Variants in DNAJA1 observed in about 807,000 individuals in gnomAD.
DNAJA1 encodes the protein DnaJ heat shock protein family (Hsp40) member A1.
In DNAJA1, 26 loss-of-function variants were observed where a neutral mutation model predicts 47.6. The ratio of observed to expected loss-of-function variants is 0.55; its 90% CI spans 0.40 to 0.76. DNAJA1 has a LOEUF of 0.76. DNAJA1 is among the 30% of genes least tolerant of loss of function. DNAJA1 has a pLI of 0.00. For synonymous variants in DNAJA1, 165 were observed against 158.4 expected, an observed-to-expected ratio of 1.04 and a Z score of -0.31; for missense variants, 315 against 485.0, an observed-to-expected ratio of 0.65 and a Z score of 3.29.
chr9:33,035,557 A>G (rs1839020936), intron 6 of DNAJA1, among the ~76,000 whole-genome samples: 1 of 151,884 alleles, frequency 6.6e-6, no homozygotes, highest in African/African-American at 2.4e-5. Flanking sequence ...GCAACCTCCA[A>G]CTCCCAGGTT....
intron 3 of DNAJA1, among the ~76,000 whole-genome samples, chr9:33,028,922 G>A (rs1320882343): frequency 1.3e-5 from 2 of 152,208 alleles, no homozygotes; most frequent in East Asian, 3.8e-4. Flanking sequence ...GTACAGAAAC[G>A]AGTTTGAGAA....
At chr9:33,038,556 T>TAA in intron 8 of DNAJA1, 129 bp from the exon 9 acceptor site, 1 of 800,814 alleles carries the variant, frequency 1.2e-6, no homozygotes, top group Non-Finnish European at 2.0e-6. Context: ...GAGCCTGTTC[T>TAA]AACCTGAGAT....
chr9:33,038,741 ACTC>A lies in DNAJA1; in HGVS notation c.1035_1037del (p.Leu346del). ...CTGATAAACTGTCTTTGCTGGAAAA[ACTC>A]CTACCCGAGAGGAAGGAAGTGGAAG... On this transcript the variant is annotated inframe_deletion, in exon 9 of 9. Transcript: ENST00000330899. The A allele has an allele frequency of 1.9e-6, 3 of 1,613,660 alleles. No individual in the cohort carries two copies. Among genetic ancestry groups the A allele is most frequent in the Non-Finnish European group, 2.5e-6 (3 of 1,179,926 alleles).
rs1839039784 is a variant in DNAJA1, at chr9:33,036,663, G to A, written c.848G>A (p.Arg283Gln). The A allele has an allele frequency of 2.5e-6, 4 of 1,613,626 alleles. No homozygotes were observed. The highest frequency in any genetic ancestry group is 2.5e-6 in the Non-Finnish European group (3 of 1,179,746). Reference sequence around the variant, plus strand: ...AAGCCAATATCTACTCTTGACAACCGAACCATCGTCATCACCTCTCATCCA... The same window carrying A: ...AAGCCAATATCTACTCTTGACAACCAAACCATCGTCATCACCTCTCATCCA... ...FQKPISTLDN[R>Q]TIVITSHPGQ... The change falls in exon 7 of 9, where the codon CGA (arginine) becomes CAA (glutamine). Residue 283 changes from arginine to glutamine, a missense_variant. Physicochemically the swap from Arg to Gln is conservative, Grantham distance 43. Coordinates refer to ENST00000330899, the MANE Select transcript of DNAJA1 (RefSeq NM_001539.4).
chr9:33,037,128 GTACTT>G lies in DNAJA1; in HGVS notation c.975+16_975+20del. The G allele has an allele frequency of 6.2e-7, 1 of 1,605,998 alleles. No homozygotes were observed. Among genetic ancestry groups the G allele is most frequent in the Non-Finnish European group, 8.5e-7 (1 of 1,175,544 alleles). On this transcript the variant is annotated intron_variant, in intron 8 of 8. Transcript: ENST00000330899. Reference sequence around the variant, plus strand: ...CATCGAATTTAAGGTAAGCTGTAATGTACTTTAAGAATACTTGAGAACAATTGGCT... The same window carrying G: ...CATCGAATTTAAGGTAAGCTGTAATGTAAGAATACTTGAGAACAATTGGCT...
chr9:33,035,631 A>G (rs969151502), intron 6 of DNAJA1, among the ~76,000 whole-genome samples: 1 of 151,178 alleles, frequency 6.6e-6, no homozygotes, highest in African/African-American at 2.4e-5. Flanking sequence ...CACCACGCCC[A>G]GCTGATTTTT....
chr9:33,038,771 G>C lies in DNAJA1; in HGVS notation c.1062G>C (p.Glu354Asp). The C allele has an allele frequency of 6.2e-7, 1 of 1,614,144 alleles. No individual in the cohort carries two copies. The highest frequency in any genetic ancestry group is 1.3e-5 in the African/African-American group (1 of 75,054). The part of the protein sequence containing the change: ...KLLPERKEVE[E>D]TDEMDQVELV... Reference sequence around the variant, plus strand: ...TACCCGAGAGGAAGGAAGTGGAAGAGACTGATGAGATGGACCAAGTAGAAC... The same window carrying C: ...TACCCGAGAGGAAGGAAGTGGAAGACACTGATGAGATGGACCAAGTAGAAC... The change falls in exon 9 of 9, where the codon GAG (glutamate) becomes GAC (aspartate). Residue 354 changes from glutamate to aspartate, a missense_variant. Physicochemically the swap from Glu to Asp is conservative, Grantham distance 45. This residue lies in a region of DNAJA1 where 162 missense variants were observed against 185.4 expected (regional missense o/e 0.87). Coordinates refer to ENST00000330899, the MANE Select transcript of DNAJA1 (RefSeq NM_001539.4).
intron 1 of DNAJA1, 58 bp from the exon 2 acceptor site, chr9:33,026,417 C>T (rs1838852215): frequency 6.4e-7 from 1 of 1,565,230 alleles, no homozygotes; most frequent in Non-Finnish European, 8.6e-7. Flanking sequence ...CCTTAGCTCT[C>T]TTTTTTATTA....
At chr9:33,030,812 T>C in intron 5 of DNAJA1, 145 bp downstream of exon 5, 1 of 742,286 alleles carries the variant, frequency 1.3e-6, no homozygotes, top group South Asian at 2.0e-5. Context: ...TAGTAAATAA[T>C]GTTCTTTTAT....
chr9:33,029,874 TTTTG>T lies in DNAJA1; in HGVS notation c.311-7_311-4del. 6.3e-7 allele frequency: 1 copy of T among 1,593,960 alleles called. No homozygotes were observed. Among genetic ancestry groups the T allele is most frequent in the Non-Finnish European group, 8.5e-7 (1 of 1,170,528 alleles). ...TTAAACAGATTTGCAATGAGAAATA[TTTTG>T]TTTTAGGTAAAAATGTTGTACATCA... On this transcript the variant is annotated splice_region_variant and splice_polypyrimidine_tract_variant and intron_variant, in intron 3 of 8. Coordinates refer to ENST00000330899, the MANE Select transcript of DNAJA1 (RefSeq NM_001539.4).
intron 5 of DNAJA1, among the ~76,000 whole-genome samples, chr9:33,032,485 A>G (rs917922408): frequency 3.9e-5 from 6 of 152,230 alleles, no homozygotes; most frequent in African/African-American, 1.4e-4. Context: ...ATGTCACTGT[A>G]ACACAGCTGA....
In DNAJA1 at chr9:33,036,729, C is replaced by A. The variant is rs749925739; in HGVS notation, c.874+40C>A. 10 of 1,447,726 alleles carry A rather than the reference C, an allele frequency of 6.9e-6. No individual in the cohort carries two copies. The South Asian group carries it at 7.1e-5, about 10-fold the overall frequency. 89.7% of individuals were successfully genotyped at this position (1,447,726 alleles called of 1,614,324 possible). A position where few individuals can be genotyped will look rare whatever the true frequency, so the allele number is the denominator to read the frequency against. ...CAAGCTTAAACTTCTCTTTTCTATT[C>A]TAGTATTTTCCTTGTCTCCTGTTAA... On this transcript the variant is annotated intron_variant, in intron 7 of 8. Transcript: ENST00000330899.
At chr9:33,032,369 C>G (rs1016214883) in intron 5 of DNAJA1, among the ~76,000 whole-genome samples, 2 of 152,186 alleles carry the variant, frequency 1.3e-5, no homozygotes, top group Non-Finnish European at 2.9e-5. Context: ...GTTCTTGATA[C>G]CAATAGCATA....
In DNAJA1 at chr9:33,031,092, A is replaced by T. The variant is rs544516902; in HGVS notation, c.643+425A>T. Reference sequence around the variant, plus strand: ...AGTTAGGTGAAGAATTGGGTCTCATAAAAATTCATGGTTTTTTTGGAGACG... The same window carrying T: ...AGTTAGGTGAAGAATTGGGTCTCATTAAAATTCATGGTTTTTTTGGAGACG... On this transcript the variant is annotated intron_variant, in intron 5 of 8. Coordinates refer to ENST00000330899, the MANE Select transcript of DNAJA1 (RefSeq NM_001539.4). 3.9e-5 allele frequency among the ~76,000 whole-genome samples: 6 copies of T among 152,308 alleles called. 1 individual carries two copies. In the East Asian group the frequency reaches 9.6e-4, roughly 24 times the overall value.
intron 6 of DNAJA1, 103 bp from the exon 7 acceptor site, chr9:33,036,471 T>C: frequency 1.5e-6 from 1 of 651,864 alleles, no homozygotes; most frequent in Non-Finnish European, 2.6e-6. Flanking sequence ...AGGGTGTCTT[T>C]GTAAAAGACC....
Position 33,037,085 on chromosome 9 carries a change from T to C in DNAJA1, c.945T>C (p.Tyr315=), listed in dbSNP as rs1839046916. 1.9e-6 allele frequency: 3 copies of C among 1,613,950 alleles called. No homozygotes were observed. Among genetic ancestry groups the C allele is most frequent in the African/African-American group, 2.7e-5 (2 of 74,914 alleles). Residue 315 remains tyrosine (Y), a synonymous_variant, in exon 8 of 9, where the codon TAT becomes TAC. Transcript: ENST00000330899. ...NEGMPIYRRP[Y]EKGRLIIEFK... ...GCATGCCAATTTATCGTAGACCATA[T>C]GAAAAGGGTCGCCTAATCATCGAAT... is the stretch of plus-strand genomic sequence containing the variant.
In DNAJA1 at chr9:33,030,586, A is replaced by G. The variant is rs1587697757; in HGVS notation, c.562A>G (p.Ser188Gly). The change falls in exon 5 of 9, where the codon AGT (serine) becomes GGT (glycine). Residue 188 changes from serine to glycine, a missense_variant. Physicochemically the swap from Ser to Gly is moderately conservative, Grantham distance 56. This residue lies in a region of DNAJA1 where 45 missense variants were observed against 93.3 expected (regional missense o/e 0.48). Transcript: ENST00000330899. ...MECQGHGERI[S>G]PKDRCKSCNG... is the part of the protein sequence containing the mutation. ...GTGCCAGGGCCATGGGGAGCGGATC[A>G]GTCCTAAAGATAGATGTAAAAGCTG... 1 of 1,614,210 alleles carries G rather than the reference A, an allele frequency of 6.2e-7. No homozygotes were observed. Among genetic ancestry groups the G allele is most frequent in the Non-Finnish European group, 8.5e-7 (1 of 1,180,034 alleles).
intron 1 of DNAJA1, among the ~76,000 whole-genome samples, chr9:33,025,918 C>G (rs1838825451): frequency 6.6e-6 from 1 of 152,190 alleles, no homozygotes; most frequent in South Asian, 2.1e-4. Flanking sequence ...AAGGGGAAAC[C>G]TGGCAGGTAA....
intron 8 of DNAJA1, 105 bp downstream of exon 8, chr9:33,037,220 C>T (rs1339526099): frequency 3.3e-6 from 3 of 904,930 alleles, no homozygotes; most frequent in African/African-American, 3.4e-5. Flanking sequence ...GCCTGTAATC[C>T]CCGCATTTTG....
Sources: gnomAD v4.1 joint callset for allele counts (sites outside exome capture counted in the v4.1 genomes callset) on GRCh38, gnomAD v4.1.1 for gene constraint, gnomAD v4.1.1 regional missense constraint, MANE v1.5 for transcripts, NCBI Gene and HGNC (gene_info 2026-07-23, HGNC 2026-07-21) for gene names.